Variants in DDX4 observed in about 807,000 individuals in gnomAD.
DDX4 encodes the protein probable ATP-dependent RNA helicase DDX4.
In DDX4, 25 loss-of-function variants were observed where a neutral mutation model predicts 100.0. The observed-to-expected ratio is 0.25, with a 90% CI of 0.18 to 0.35. The LOEUF (loss-of-function observed/expected upper bound fraction) is 0.35, where lower values mean the gene tolerates loss of function less well. Ranked by LOEUF, DDX4 falls within the 10% of genes least tolerant of loss-of-function variation. The pLI is 1.00. For missense variants in DDX4, 635 were observed against 882.4 expected (o/e 0.72, Z 3.55); for synonymous variants, 259 against 275.7 (o/e 0.94, Z 0.60).
intron 13 of DDX4, 57 bp downstream of exon 13, chr5:55,785,928 C>T: frequency 8.0e-7 from 1 of 1,245,184 alleles, no homozygotes; most frequent in Non-Finnish European, 1.2e-6. Context: ...CTTTAAAATA[C>T]ATTATGTAGT....
At chr5:55,765,222 T>C (rs1740814079) in intron 6 of DDX4, among the ~76,000 whole-genome samples, 1 of 151,780 alleles carries the variant, frequency 6.6e-6, no homozygotes, top group Non-Finnish European at 1.5e-5. Flanking sequence ...TCAAGATCAT[T>C]TCTACTTATA....
At chr5:55,767,962 A>C in intron 7 of DDX4, 22 bp downstream of exon 7, 1 of 1,608,152 alleles carries the variant, frequency 6.2e-7, no homozygotes, top group Non-Finnish European at 8.5e-7. Flanking sequence ...ATTTTGGAAC[A>C]ATTTGTACTT....
At chr5:55,764,842 C>A (rs947976675) in intron 6 of DDX4, among the ~76,000 whole-genome samples, 3 of 152,118 alleles carry the variant, frequency 2.0e-5, no homozygotes, top group African/African-American at 4.8e-5. Context: ...AGTGAGAATG[C>A]GTGTAAAAGC....
At chr5:55,743,707 G>A (rs1300607450) in intron 2 of DDX4, among the ~76,000 whole-genome samples, 1 of 152,176 alleles carries the variant, frequency 6.6e-6, no homozygotes, top group Admixed American at 6.5e-5. Context: ...TGGAATTACA[G>A]GCGTGAGCCA....
At chr5:55,760,337 C>G in intron 4 of DDX4, 60 bp downstream of exon 4, 1 of 1,464,972 alleles carries the variant, frequency 6.8e-7, no homozygotes, top group Non-Finnish European at 9.0e-7. Flanking sequence ...TATATAGAGG[C>G]TTTCATGGCC....
At chr5:55,745,452 C>T (rs551685144) in intron 2 of DDX4, among the ~76,000 whole-genome samples, 13 of 151,794 alleles carry the variant, frequency 8.6e-5, no homozygotes, top group Non-Finnish European at 1.2e-4. Context: ...TTGAGACGGT[C>T]TTATTCTGTT....
At chr5:55,773,319 A>G (rs1323351761) in intron 7 of DDX4, 1 of 152,134 alleles carries the variant, frequency 6.6e-6, no homozygotes, top group Non-Finnish European at 1.5e-5. Flanking sequence ...AGTTGTTTCC[A>G]CTTTTGGGCT....
chr5:55,796,823 CTTTTTTTTTTTTTTTTT>C (rs3990072), intron 17 of DDX4, among the ~76,000 whole-genome samples: 1,442 of 60,036 alleles, frequency 0.024, 43 homozygotes, highest in African/African-American at 0.078. Context: ...TTCTTTCTTT[CTTTTTTTTTTTTTTTTT>C]TTTTTTTTTT....
chr5:55,813,795 C>T (rs1354560763), intron 19 of DDX4, 23 bp downstream of exon 19: 3 of 1,541,760 alleles, frequency 1.9e-6, no homozygotes, highest in African/African-American at 2.8e-5. Flanking sequence ...ATATAATTAC[C>T]TATTAGGGGA....
chr5:55,803,681 A>G (rs1743485599), intron 18 of DDX4, among the ~76,000 whole-genome samples: 1 of 152,024 alleles, frequency 6.6e-6, no homozygotes, highest in South Asian at 2.1e-4. Context: ...GATGCACAGT[A>G]TTCCATGGTG....
intron 18 of DDX4, among the ~76,000 whole-genome samples, chr5:55,806,251 T>C (rs1256156095): frequency 4.6e-5 from 7 of 152,186 alleles, no homozygotes; most frequent in Non-Finnish European, 1.0e-4. Flanking sequence ...TCTGTCAATT[T>C]TGTTGATCTT....
At chr5:55,801,500 T>C (rs1743303698) in intron 18 of DDX4, among the ~76,000 whole-genome samples, 2 of 152,244 alleles carry the variant, frequency 1.3e-5, no homozygotes, top group South Asian at 2.1e-4. Flanking sequence ...GCAACAGTTA[T>C]GAAAAAGAAT....
At chr5:55,775,362 A>G (rs913240305) in intron 7 of DDX4, among the ~76,000 whole-genome samples, 3 of 152,202 alleles carry the variant, frequency 2.0e-5, no homozygotes, top group Non-Finnish European at 4.4e-5. Context: ...TTGGTTATAT[A>G]CTTACAAGTT....
chr5:55,750,509 CATT>C (rs563556363), intron 3 of DDX4: 296 of 154,928 alleles, frequency 1.9e-3, no homozygotes, highest in Non-Finnish European at 3.7e-3. Flanking sequence ...AATACTGCTT[CATT>C]ATTTGGTAGA....
chr5:55,805,612 A>G (rs1175215971), intron 18 of DDX4, among the ~76,000 whole-genome samples: 2 of 152,248 alleles, frequency 1.3e-5, no homozygotes, highest in South Asian at 4.1e-4. Context: ...CTCTGTTTCT[A>G]TGCTGGATTA....
intron 3 of DDX4, among the ~76,000 whole-genome samples, chr5:55,755,606 G>T (rs184999750): frequency 6.6e-6 from 1 of 151,924 alleles, no homozygotes. Context: ...CTTGGTTTTG[G>T]TTTCAAGCTT....
At chr5:55,816,437 T>TG (rs780292815) in intron 21 of DDX4, 26 bp from the exon 22 acceptor site, 14 of 1,505,748 alleles carry the variant, frequency 9.3e-6, no homozygotes, top group Middle Eastern at 3.5e-4. Context: ...TTTGTTTCTT[T>TG]TTTTTTTTTT....
rs1204803214 is a variant in DDX4, at chr5:55,809,089, C to T, written c.1616-4584C>T. On this transcript the variant is annotated intron_variant, in intron 18 of 21. Coordinates refer to ENST00000505374, the MANE Select transcript of DDX4 (RefSeq NM_024415.3). ...ACTGCTGTGCTAGCAATGAGCGAGG[C>T]TCCATGGGGGTAGGACCCTTTGAGC... Among the ~76,000 whole-genome samples the T allele has an allele frequency of 2.6e-5, 4 of 152,230 alleles. No homozygotes were observed. The South Asian group carries it at 8.3e-4, about 31-fold the overall frequency.
chr5:55,810,679 T>C (rs889309335), intron 18 of DDX4, among the ~76,000 whole-genome samples: 1 of 152,164 alleles, frequency 6.6e-6, no homozygotes, highest in East Asian at 1.9e-4. Context: ...CTAAAAAAAA[T>C]AATTTCTAGA....
Sources: allele counts gnomAD v4.1 joint callset (sites outside exome capture counted in the v4.1 genomes callset), GRCh38; gene constraint gnomAD v4.1.1; transcripts MANE v1.5; gene names NCBI Gene and HGNC (gene_info 2026-07-23, HGNC 2026-07-21).